The following PEX6 variants were observed in gnomAD, a reference collection of about 807,000 sequenced individuals.
The protein encoded by PEX6 is peroxisomal biogenesis factor 6, also known as peroxisome biogenesis factor 6.
PEX6 carries 55 observed loss-of-function variants against 85.6 expected under a neutral mutation model. The observed-to-expected ratio is 0.64, with a 90% CI of 0.52 to 0.80. PEX6 has a LOEUF of 0.80. PEX6 is among the 30% of genes least tolerant of loss of function. The pLI is 0.00. For synonymous variants in PEX6, 519 were observed against 549.1 expected, an observed-to-expected ratio of 0.95 and a Z score of 0.77; for missense variants, 1,099 against 1,260.3, an observed-to-expected ratio of 0.87 and a Z score of 1.94.
chr6:42,977,891 T>A (rs1197107793), intron 1 of PEX6, among the ~76,000 whole-genome samples: 1 of 143,168 alleles, frequency 7.0e-6, no homozygotes, highest in Admixed American at 7.0e-5. Context: ...TCGCCCAGGC[T>A]GGAGTCCAAT....
Position 42,978,673 on chromosome 6 carries a change from G to A in PEX6, c.478C>T (p.Leu160Phe), listed in dbSNP as rs1336576924. 2.6e-6 allele frequency: 4 copies of A among 1,560,710 alleles called. No homozygotes were observed. The Admixed American group carries it at 5.7e-5, about 22-fold the overall frequency. ...GPGTRLAVTELRGRARLCPES... is the reference protein window; with the variant it reads ...GPGTRLAVTEFRGRARLCPES... The stretch of plus-strand genomic sequence containing the variant: ...GGACACAGTCTGGCCCGCCCGCGGA[G>A]CTCAGTCACAGCCAGCCGAGTCCCT... Residue 160 changes from leucine to phenylalanine, a missense_variant, in exon 1 of 17, where the codon CTC (leucine) becomes TTC (phenylalanine). Around this residue, in one of 3 missense-constraint regions of PEX6, gnomAD observed 579 missense variants for 611.6 expected, o/e 0.95. Transcript: ENST00000304611.
intron 3 of PEX6, 45 bp from the exon 4 acceptor site, chr6:42,970,032 AC>A (rs752054520): frequency 9.5e-6 from 14 of 1,469,798 alleles, no homozygotes; most frequent in Non-Finnish European, 1.2e-5. Flanking sequence ...GAGTCCAAAA[AC>A]CCCCCTCCTC....
chr6:42,973,366 A>G (rs983708787), intron 3 of PEX6, among the ~76,000 whole-genome samples: 1 of 151,874 alleles, frequency 6.6e-6, no homozygotes, highest in Non-Finnish European at 1.5e-5. Flanking sequence ...TTTGAGGATA[A>G]ACACCTCCCA....
intron 5 of PEX6, 121 bp downstream of exon 5, chr6:42,969,547 G>A (rs1414127948): frequency 8.0e-7 from 1 of 1,244,270 alleles, no homozygotes. Flanking sequence ...ATACTGGTTT[G>A]AGGAAGGTCC....
At chr6:42,970,115 A>G in intron 3 of PEX6, 128 bp from the exon 4 acceptor site, 2 of 754,980 alleles carry the variant, frequency 2.6e-6, no homozygotes, top group East Asian at 5.3e-5. Flanking sequence ...CATGGTGGGG[A>G]AAAGGAATGC....
chr6:42,968,504 G>A lies in PEX6; in HGVS notation c.1480-6C>T. 6.4e-7 allele frequency: 1 copy of A among 1,562,966 alleles called. No homozygotes were observed. The highest frequency in any genetic ancestry group is 8.7e-7 in the Non-Finnish European group (1 of 1,153,008). On this transcript the variant is annotated splice_polypyrimidine_tract_variant and splice_region_variant and intron_variant, in intron 6 of 16. Transcript: ENST00000304611. ...CAGAGGCTGGAGCAGGGCACCTGGG[G>A]AGGGGATCCCAATGGGTCTGTGAGC...
intron 6 of PEX6, 133 bp from the exon 7 acceptor site, chr6:42,968,631 C>T: frequency 1.2e-6 from 1 of 815,406 alleles, no homozygotes; most frequent in Non-Finnish European, 2.0e-6. Flanking sequence ...GGTACCCTGG[C>T]CAAGTCCTAC....
At position 42,973,987 on chromosome 6, in the gene PEX6, G is replaced by T; in HGVS notation, c.1130+16C>A. 1.9e-6 allele frequency: 3 copies of T among 1,589,832 alleles called. No homozygotes were observed. Among genetic ancestry groups the T allele is most frequent in the Non-Finnish European group, 2.6e-6 (3 of 1,157,852 alleles). On this transcript the variant is annotated intron_variant, in intron 3 of 16. Coordinates refer to ENST00000304611, the MANE Select transcript of PEX6 (RefSeq NM_000287.4). ...GGTTACAAATCCCAGCTGTAGGACA[G>T]AAGGCAGCTGCATACCTGGGCAGTT...
chr6:42,969,533 G>A, intron 5 of PEX6, 135 bp downstream of exon 5: 3 of 1,073,458 alleles, frequency 2.8e-6, no homozygotes, highest in South Asian at 2.5e-5. Flanking sequence ...GCCTTGTGTA[G>A]GACATACTGG....
chr6:42,966,892 G>C, intron 8 of PEX6, 34 bp from the exon 9 acceptor site: 1 of 1,557,320 alleles, frequency 6.4e-7, no homozygotes, highest in South Asian at 1.1e-5. Flanking sequence ...CATGAGCAGG[G>C]CACAGTAGGC....
chr6:42,967,587 G>A (rs1203932688), intron 7 of PEX6, 24 bp from the exon 8 acceptor site: 4 of 1,580,926 alleles, frequency 2.5e-6, no homozygotes, highest in Non-Finnish European at 3.4e-6. Context: ...AGTGGGCACT[G>A]AGGGTGAGAA....
rs1554128216 is a variant in PEX6, at chr6:42,977,251, C to CTT, written c.882+1016_882+1017dup. Among the ~76,000 whole-genome samples, 515 of 126,656 alleles carry CTT rather than the reference C, an allele frequency of 4.1e-3. 14 individuals carry two copies. Among genetic ancestry groups the CTT allele is most frequent in the Middle Eastern group, 0.013 (3 of 234 alleles). 83.1% of individuals were successfully genotyped at this position (126,656 alleles called of 152,430 possible). A position where few individuals can be genotyped will look rare whatever the true frequency, so the allele number is the denominator to read the frequency against. ...ATTAACATACACATCTGAAACCTCA[C>CTT]TTTTTTTTTTTTTTTTTTTTACACA... is the stretch of plus-strand genomic sequence containing the variant. On this transcript the variant is annotated intron_variant, in intron 1 of 16. Coordinates refer to ENST00000304611, the MANE Select transcript of PEX6 (RefSeq NM_000287.4).
Position 42,972,769 on chromosome 6 carries a change from C to CAAA in PEX6, c.1130+1231_1130+1233dup, listed in dbSNP as rs3997649. ...TGGGCAACAAAGCAAGACTCTGTCT[C>CAAA]AAAAAAAAAAAAAAAAAAAGAGAAA... On this transcript the variant is annotated intron_variant, in intron 3 of 16. Transcript: ENST00000304611. Among the ~76,000 whole-genome samples, 3 of 57,216 alleles carry CAAA rather than the reference C, an allele frequency of 5.2e-5. No homozygotes were observed. In the South Asian group the frequency reaches 1.4e-3, roughly 27 times the overall value. 37.5% of individuals were successfully genotyped at this position (57,216 alleles called of 152,430 possible).
Position 42,965,311 on chromosome 6 carries a change from A to C in PEX6, c.2529T>G (p.Phe843Leu). The C allele has an allele frequency of 1.2e-6, 2 of 1,614,176 alleles. No individual in the cohort carries two copies. Among genetic ancestry groups the C allele is most frequent in the Non-Finnish European group, 1.7e-6 (2 of 1,180,012 alleles). ...LDGLHSTQDV[F>L]VIGATNRPDL... is the part of the protein sequence containing the mutation. ...CTGGTCTGTTGGTGGCTCCAATCAC[A>C]AACACATCCTGAGTGCTGTGCAGCC... The change falls in exon 14 of 17, where the codon TTT (phenylalanine) becomes TTG (leucine). Residue 843 changes from phenylalanine (F) to leucine (L), a missense_variant. Physicochemically the swap from Phe to Leu is conservative, Grantham distance 22. This residue lies in a region of PEX6 where 514 missense variants were observed against 627.0 expected (regional missense o/e 0.82). Coordinates refer to ENST00000304611, the MANE Select transcript of PEX6 (RefSeq NM_000287.4). This position sits in a 1 kb window ranked among gnomAD's most constrained non-coding sequence, Gnocchi z 5.0.
At chr6:42,972,158 G>A (rs756663460) in intron 3 of PEX6, among the ~76,000 whole-genome samples, 49 of 152,180 alleles carry the variant, frequency 3.2e-4, no homozygotes, top group Admixed American at 7.9e-4. Context: ...GACCCAGGCT[G>A]GCTATGCCAC....
At position 42,965,493 on chromosome 6, in the gene PEX6, C is replaced by T. The variant is rs1209581510; in HGVS notation, c.2472-125G>A. 11 of 916,896 alleles carry T rather than the reference C, an allele frequency of 1.2e-5. No individual in the cohort carries two copies. In the African/African-American group the frequency reaches 1.5e-4, roughly 12 times the overall value. 56.8% of individuals were successfully genotyped at this position (916,896 alleles called of 1,614,324 possible). A position where few individuals can be genotyped will look rare whatever the true frequency, so the allele number is the denominator to read the frequency against. ...CCACTCAGCTGTGCCCAATGTGCCC[C>T]ACCAGGTAGGCCCCCATTCTCCTCA... On this transcript the variant is annotated intron_variant, in intron 13 of 16. Transcript: ENST00000304611. This position sits in a 1 kb window ranked among gnomAD's most constrained non-coding sequence, Gnocchi z 5.0.
Position 42,974,969 on chromosome 6 carries a change from C to T in PEX6, c.952G>A (p.Ala318Thr), listed in dbSNP as rs1318162363. ...ACAATTTCGATGTGTAACTCTCTGGCAAATGGAGGCCCAGGCAGCAATGAG... is the reference window on the plus strand; with the variant it reads ...ACAATTTCGATGTGTAACTCTCTGGTAAATGGAGGCCCAGGCAGCAATGAG... ...SCSLLPGPPF[A>T]RELHIEIVSS... Residue 318 changes from alanine (A) to threonine (T), a missense_variant, in exon 2 of 17, where the codon GCC becomes ACC. Physicochemically the swap from Ala to Thr is moderately conservative, Grantham distance 58. Around this residue, in one of 3 missense-constraint regions of PEX6, gnomAD observed 579 missense variants for 611.6 expected, o/e 0.95. Transcript: ENST00000304611. 8 of 1,613,742 alleles carry T rather than the reference C, an allele frequency of 5.0e-6. No individual in the cohort carries two copies. The highest frequency in any genetic ancestry group is 6.8e-6 in the Non-Finnish European group (8 of 1,179,844).
rs372069401 is a variant in PEX6 at position 42,969,949 on chromosome 6, C to G, written c.1169G>C (p.Gly390Ala). The G allele has an allele frequency of 1.2e-6, 2 of 1,614,100 alleles. No homozygotes were observed. Among genetic ancestry groups the G allele is most frequent in the African/African-American group, 2.7e-5 (2 of 74,938 alleles). The part of the protein sequence containing the change: ...EMFFKVKKTV[G>A]EAPDGPASAY... ...ACTGGCTGGTCCATCTGGAGCTTCC[C>G]CAACTGTTTTCTTCACTTTAAAAAA... Residue 390 changes from glycine to alanine, a missense_variant, in exon 4 of 17, where the codon GGG becomes GCG. Transcript: ENST00000304611.
At chr6:42,977,533 T>C (rs1216463659) in intron 1 of PEX6, among the ~76,000 whole-genome samples, 1 of 152,018 alleles carries the variant, frequency 6.6e-6, no homozygotes, top group Non-Finnish European at 1.5e-5. Flanking sequence ...GGCTCACGCC[T>C]GTAATCCCAA....
Sources: allele counts gnomAD v4.1 joint callset (sites outside exome capture counted in the v4.1 genomes callset), GRCh38; gene constraint gnomAD v4.1.1; regional missense constraint gnomAD v4.1.1; non-coding constraint Gnocchi (gnomAD v3.1); transcripts MANE v1.5; gene names NCBI Gene and HGNC (gene_info 2026-07-23, HGNC 2026-07-21).